Variants in LRP1B observed in about 807,000 individuals in gnomAD.
The protein encoded by LRP1B is low-density lipoprotein receptor-related protein 1B.
In LRP1B, 217 loss-of-function variants were observed where a neutral mutation model predicts 556.6. The ratio of observed to expected loss-of-function variants is 0.39; its 90% CI spans 0.35 to 0.44. LRP1B has a LOEUF of 0.44. Ranked by LOEUF, LRP1B falls within the 20% of genes least tolerant of loss-of-function variation. The pLI is 1.00. For synonymous variants in LRP1B, 2,047 were observed against 1,865.8 expected (o/e 1.10, Z -2.50); for missense variants, 5,053 against 5,620.8 (o/e 0.90, Z 3.23).
chr2:140,548,969 AATT>A lies in LRP1B; in HGVS notation c.7195-7001_7195-6999del, dbSNP rs375825826. 4.8e-4 allele frequency among the ~76,000 whole-genome samples: 73 copies of A among 152,148 alleles called. No homozygotes were observed. The East Asian group carries it at 0.012, about 26-fold the overall frequency. The stretch of plus-strand genomic sequence containing the variant: ...AACAAACAAAAACAAAAAAACTGTA[AATT>A]ATTGTGAGGTAATTAACAACATTAT... On this transcript the variant is annotated intron_variant, in intron 43 of 90. Coordinates refer to ENST00000389484, the MANE Select transcript of LRP1B (RefSeq NM_018557.3).
In LRP1B at chr2:141,188,438, T is replaced by A. The variant is rs755105386; in HGVS notation, c.996A>T (p.Ala332=). 11 of 1,612,000 alleles carry A rather than the reference T, an allele frequency of 6.8e-6. No homozygotes were observed. In the Middle Eastern group the frequency reaches 4.9e-4, roughly 72 times the overall value. ...DLELHNPKAI[A]VDPIAGKLFF... is the part of the protein sequence containing the mutation. ...TTTCTTACCCTGCTATTGGATCTAC[T>A]GCTATTGCTTTAGGATTGTGAAGCT... Residue 332 remains alanine (A), a synonymous_variant, in exon 7 of 91, where the codon GCA becomes GCT. Transcript: ENST00000389484.
intron 2 of LRP1B, among the ~76,000 whole-genome samples, chr2:141,599,527 C>G (rs1320184844): frequency 6.6e-6 from 1 of 152,006 alleles, no homozygotes; most frequent in Non-Finnish European, 1.5e-5. Context: ...TTAGGGTAAC[C>G]ATGGCTGGAA....
At chr2:140,734,489 T>C (rs972276264) in intron 35 of LRP1B, among the ~76,000 whole-genome samples, 1 of 152,104 alleles carries the variant, frequency 6.6e-6, no homozygotes, top group Non-Finnish European at 1.5e-5. Context: ...GCACTGAGAA[T>C]TTAGGATTTT....
At chr2:141,048,908 T>C (rs1698956960) in intron 11 of LRP1B, 78 bp downstream of exon 11, 2 of 1,109,610 alleles carry the variant, frequency 1.8e-6, no homozygotes, top group East Asian at 2.4e-5. Context: ...TTAAAGCTAG[T>C]CTGACACACA....
intron 25 of LRP1B, among the ~76,000 whole-genome samples, chr2:140,873,174 G>T (rs1693193638): frequency 6.6e-6 from 1 of 152,032 alleles, no homozygotes; most frequent in South Asian, 2.1e-4. Context: ...TATTAATCAA[G>T]CAATTTCTTA....
intron 25 of LRP1B, among the ~76,000 whole-genome samples, chr2:140,874,225 G>T (rs569310765): frequency 1.6e-4 from 24 of 152,140 alleles, no homozygotes; most frequent in Non-Finnish European, 2.6e-4. Context: ...ATAAATAATT[G>T]GTTAGAACAG....
chr2:141,790,353 T>G (rs1317436307), intron 2 of LRP1B, among the ~76,000 whole-genome samples: 1 of 151,640 alleles, frequency 6.6e-6, no homozygotes, highest in Non-Finnish European at 1.5e-5. Flanking sequence ...AATAATTAAT[T>G]ATATTATATA....
chr2:141,127,002 C>T (rs1434024837), intron 7 of LRP1B, among the ~76,000 whole-genome samples: 1 of 151,756 alleles, frequency 6.6e-6, no homozygotes, highest in East Asian at 1.9e-4. Flanking sequence ...TAATGCTATC[C>T]CTCCCCCACC....
intron 41 of LRP1B, among the ~76,000 whole-genome samples, chr2:140,653,831 C>T (rs1288300532): frequency 1.3e-5 from 2 of 151,376 alleles, no homozygotes; most frequent in South Asian, 2.1e-4. Context: ...TCGAGGCCAG[C>T]CTGGCTAACA....
intron 1 of LRP1B, among the ~76,000 whole-genome samples, chr2:142,086,162 A>C (rs1705912184): frequency 6.6e-6 from 1 of 152,162 alleles, no homozygotes; most frequent in African/African-American, 2.4e-5. Context: ...TCATTTTCCA[A>C]GTGCGAAAAT....
At chr2:140,672,637 C>T (rs1685528987) in intron 41 of LRP1B, among the ~76,000 whole-genome samples, 1 of 152,072 alleles carries the variant, frequency 6.6e-6, no homozygotes, top group South Asian at 2.1e-4. Context: ...AATTATTCTT[C>T]CTTTTTGATG....
At chr2:141,789,796 T>A (rs958034499) in intron 2 of LRP1B, among the ~76,000 whole-genome samples, 2 of 151,970 alleles carry the variant, frequency 1.3e-5, no homozygotes, top group African/African-American at 4.8e-5. Flanking sequence ...GGTGGTCTAA[T>A]AATTTTCTAA....
In LRP1B at chr2:141,260,632, T is replaced by C. The variant is rs1030360842; in HGVS notation, c.344-5991A>G. 5.3e-5 allele frequency among the ~76,000 whole-genome samples: 8 copies of C among 152,350 alleles called. No individual in the cohort carries two copies. In the East Asian group the frequency reaches 7.7e-4, roughly 15 times the overall value. On this transcript the variant is annotated intron_variant, in intron 3 of 90. Coordinates refer to ENST00000389484, the MANE Select transcript of LRP1B (RefSeq NM_018557.3). ...TGTATAGCTATCGGATCAACCATTG[T>C]ATAGTCAATAGCATTATGCTGCTGC...
chr2:140,758,879 T>C (rs1277441258), intron 35 of LRP1B, among the ~76,000 whole-genome samples: 4 of 152,054 alleles, frequency 2.6e-5, no homozygotes, highest in Non-Finnish European at 5.9e-5. Context: ...GAGAATAGTA[T>C]GTCATAGGAA....
chr2:141,185,737 T>C (rs1681222160), intron 7 of LRP1B, among the ~76,000 whole-genome samples: 1 of 139,312 alleles, frequency 7.2e-6, no homozygotes, highest in African/African-American at 2.7e-5. Flanking sequence ...ATTTCTTCAA[T>C]AGTCCTTAGC....
rs10169122 is a variant in LRP1B at position 141,559,086 on chromosome 2, C to T, written c.206-78553G>A. 4.7e-3 allele frequency among the ~76,000 whole-genome samples: 706 copies of T among 151,478 alleles called. 2 individuals carry two copies. Among genetic ancestry groups the T allele is most frequent in the African/African-American group, 0.016 (661 of 41,400 alleles). On this transcript the variant is annotated intron_variant, in intron 2 of 90. Transcript: ENST00000389484. The stretch of plus-strand genomic sequence containing the variant: ...TGTAAAATTTTAAATTGTTTTGGTA[C>T]ACTATTTTGATGCATCATAATTAAA...
chr2:140,284,605 C>T (rs1683050782), intron 84 of LRP1B, among the ~76,000 whole-genome samples: 2 of 151,490 alleles, frequency 1.3e-5, no homozygotes, highest in African/African-American at 2.4e-5. Context: ...ATTCTTTCCT[C>T]CTTTCTTTCT....
chr2:141,488,965 GT>G (rs751786929), intron 2 of LRP1B, among the ~76,000 whole-genome samples: 39,370 of 110,954 alleles, frequency 0.35, 6,321 homozygotes, highest in East Asian at 0.6. Context: ...ACATGGGTTT[GT>G]TTTTTTTTGT....
intron 2 of LRP1B, among the ~76,000 whole-genome samples, chr2:141,749,895 T>C (rs993904961): frequency 6.6e-6 from 1 of 152,150 alleles, no homozygotes; most frequent in Non-Finnish European, 1.5e-5. Context: ...CATCACTATC[T>C]GAACCAGGAA....
Sources: allele counts gnomAD v4.1 joint callset (sites outside exome capture counted in the v4.1 genomes callset), GRCh38; gene constraint gnomAD v4.1.1; transcripts MANE v1.5; gene names NCBI Gene and HGNC (gene_info 2026-07-23, HGNC 2026-07-21).